The following TIMP3 variants were observed in gnomAD, a reference collection of about 807,000 sequenced individuals.
The protein encoded by TIMP3 is metalloproteinase inhibitor 3.
A neutral mutation model predicts 30.0 loss-of-function variants in TIMP3; 11 were observed. The ratio of observed to expected loss-of-function variants is 0.37; its 90% CI spans 0.23 to 0.61. The LOEUF is 0.61. Ranked by LOEUF, TIMP3 falls within the 20% of genes least tolerant of loss-of-function variation. The probability of loss-of-function intolerance (pLI) is 0.70; values close to 1 mark genes in which losing one functional copy is unlikely to be tolerated. For synonymous variants in TIMP3, 112 were observed against 111.3 expected, an observed-to-expected ratio of 1.01 and a Z score of -0.04; for missense variants, 181 against 276.8, an observed-to-expected ratio of 0.65 and a Z score of 2.45.
chr22:32,828,893 C>T (rs2047490252), intron 1 of TIMP3, among the ~76,000 whole-genome samples: 4 of 152,144 alleles, frequency 2.6e-5, no homozygotes, highest in Admixed American at 1.3e-4. Context: ...AGGAAATTCA[C>T]ACTCTTCCTC....
chr22:32,836,975 T>C (rs2047749950), intron 1 of TIMP3, among the ~76,000 whole-genome samples: 1 of 152,246 alleles, frequency 6.6e-6, no homozygotes, highest in African/African-American at 2.4e-5. Flanking sequence ...CTGCAAAGGC[T>C]GCATCTGCGG....
chr22:32,859,212 G>T lies in TIMP3; in HGVS notation c.471G>T (p.Val157=). Residue 157 remains valine (V), a synonymous_variant, in exon 5 of 5, where the codon GTG becomes GTT. Coordinates refer to ENST00000266085, the MANE Select transcript of TIMP3 (RefSeq NM_000362.5). ...IKSCYYLPCF[V]TSKNECLWTD... ...CCTGCTACTACCTGCCTTGCTTTGT[G>T]ACTTCCAAGAACGAGTGTCTCTGGA... 1 of 1,614,144 alleles carries T rather than the reference G, an allele frequency of 6.2e-7. No individual in the cohort carries two copies. The highest frequency in any genetic ancestry group is 8.5e-7 in the Non-Finnish European group (1 of 1,180,032).
At chr22:32,822,103 C>T (rs5754303) in intron 1 of TIMP3, among the ~76,000 whole-genome samples, 7 of 146,732 alleles carry the variant, frequency 4.8e-5, no homozygotes, top group East Asian at 2.0e-4. Flanking sequence ...TGCAATGAGC[C>T]GAGATCGCAC....
chr22:32,848,898 A>G (rs1304021715), intron 1 of TIMP3, among the ~76,000 whole-genome samples: 7 of 152,166 alleles, frequency 4.6e-5, no homozygotes, highest in African/African-American at 9.7e-5. Flanking sequence ...CTTGCTATCT[A>G]AGCACTGGAT....
intron 2 of TIMP3, among the ~76,000 whole-genome samples, chr22:32,856,542 T>C (rs1601553423): frequency 6.6e-6 from 1 of 152,158 alleles, no homozygotes; most frequent in African/African-American, 2.4e-5. Flanking sequence ...TATTGATACA[T>C]AATAAATGGA....
intron 1 of TIMP3, among the ~76,000 whole-genome samples, chr22:32,810,482 TA>T (rs1018508391): frequency 3.7e-5 from 5 of 135,086 alleles, no homozygotes; most frequent in African/African-American, 1.4e-4. Flanking sequence ...GAGCCCAAGG[TA>T]AAGTTCAGTT....
chr22:32,805,274 G>A (rs1399080180), intron 1 of TIMP3, among the ~76,000 whole-genome samples: 1 of 152,118 alleles, frequency 6.6e-6, no homozygotes, highest in Non-Finnish European at 1.5e-5. Context: ...GATGGCCCCT[G>A]GATAGCTCCA....
chr22:32,821,204 C>A (rs1601448151), intron 1 of TIMP3, among the ~76,000 whole-genome samples: 3 of 152,266 alleles, frequency 2.0e-5, no homozygotes, highest in African/African-American at 7.2e-5. Flanking sequence ...AGTTAGTTGA[C>A]TAAAATGTAA....
At chr22:32,803,147 G>A (rs1236209452) in intron 1 of TIMP3, among the ~76,000 whole-genome samples, 1 of 152,152 alleles carries the variant, frequency 6.6e-6, no homozygotes, top group East Asian at 1.9e-4. Context: ...GGCTCTGCTG[G>A]GAGAGTGTGT....
At chr22:32,838,120 G>A (rs1184516671) in intron 1 of TIMP3, among the ~76,000 whole-genome samples, 1 of 152,172 alleles carries the variant, frequency 6.6e-6, no homozygotes, top group Non-Finnish European at 1.5e-5. Context: ...CTTCTTAAAG[G>A]TAGGAACCTT....
intron 1 of TIMP3, among the ~76,000 whole-genome samples, chr22:32,805,943 G>C (rs1266710337): frequency 1.3e-5 from 2 of 151,916 alleles, no homozygotes; most frequent in Non-Finnish European, 2.9e-5. Context: ...TAGGGAGGGA[G>C]AGCTTATTAT....
chr22:32,829,436 G>T (rs763921452), intron 1 of TIMP3, among the ~76,000 whole-genome samples: 3 of 152,198 alleles, frequency 2.0e-5, no homozygotes, highest in Non-Finnish European at 4.4e-5. Context: ...TGGGGTCCCC[G>T]GGCCTTCGGC....
chr22:32,833,851 A>G (rs1186671107), intron 1 of TIMP3: 1 of 501,206 alleles, frequency 2.0e-6, no homozygotes, highest in Non-Finnish European at 4.0e-6. Context: ...AGCACTGATC[A>G]TGCATGGAAA....
intron 1 of TIMP3, among the ~76,000 whole-genome samples, chr22:32,817,732 G>C (rs2047124991): frequency 6.6e-6 from 1 of 152,158 alleles, no homozygotes; most frequent in South Asian, 2.1e-4. Context: ...TAAATCCTAG[G>C]ATCTTGTTTA....
At chr22:32,809,479 A>G (rs1228052751) in intron 1 of TIMP3, among the ~76,000 whole-genome samples, 1 of 151,164 alleles carries the variant, frequency 6.6e-6, no homozygotes, top group Non-Finnish European at 1.5e-5. Flanking sequence ...TTACCTCCTA[A>G]CCCAGTGCCC....
At chr22:32,820,307 C>T (rs1330972801) in intron 1 of TIMP3, among the ~76,000 whole-genome samples, 1 of 149,278 alleles carries the variant, frequency 6.7e-6, no homozygotes, top group Non-Finnish European at 1.5e-5. Context: ...GGTGTGTGTT[C>T]TACTCCGTGT....
At chr22:32,805,044 C>T (rs202163368) in intron 1 of TIMP3, among the ~76,000 whole-genome samples, 10 of 150,870 alleles carry the variant, frequency 6.6e-5, no homozygotes, top group South Asian at 6.3e-4. Context: ...TGTGTGTGCG[C>T]GTGTGTGGCT....
At position 32,858,538 on chromosome 22, in the gene TIMP3, A is replaced by G. The variant is rs572007688; in HGVS notation, c.438+400A>G. On this transcript the variant is annotated intron_variant, in intron 4 of 4. Coordinates refer to ENST00000266085, the MANE Select transcript of TIMP3 (RefSeq NM_000362.5). ...TCGCTAACCCCACCCCAGGTAGGCA[A>G]ATGGGCCCAGGACTGCAGAGACCAG... Among the ~76,000 whole-genome samples the G allele has an allele frequency of 3.9e-5, 6 of 152,164 alleles. No homozygotes were observed. In the East Asian group the frequency reaches 9.7e-4, roughly 25 times the overall value.
chr22:32,804,593 C>G (rs2046675044), intron 1 of TIMP3, among the ~76,000 whole-genome samples: 1 of 152,238 alleles, frequency 6.6e-6, no homozygotes, highest in Non-Finnish European at 1.5e-5. Context: ...CTGGTCCTCT[C>G]CGGGGGGCTG....
Sources: allele counts gnomAD v4.1 joint callset (sites outside exome capture counted in the v4.1 genomes callset), GRCh38; gene constraint gnomAD v4.1.1; transcripts MANE v1.5; gene names NCBI Gene and HGNC (gene_info 2026-07-23, HGNC 2026-07-21).